Variants in MAPK10 observed in about 807,000 individuals in gnomAD.
MAPK10 encodes mitogen-activated protein kinase 10.
In MAPK10, 25 loss-of-function variants were observed where a neutral mutation model predicts 59.3. The observed-to-expected ratio is 0.42, with a 90% CI of 0.31 to 0.59. MAPK10 has a LOEUF of 0.59. Ranked by LOEUF, MAPK10 falls within the 20% of genes least tolerant of loss-of-function variation. The pLI is 0.15. For missense variants in MAPK10, 351 were observed against 568.9 expected (o/e 0.62, Z 3.90); for synonymous variants, 190 against 200.5 (o/e 0.95, Z 0.44).
chr4:86,082,415 C>T (rs2050851089), intron 9 of MAPK10: 1 of 152,030 alleles, frequency 6.6e-6, no homozygotes, highest in Admixed American at 6.6e-5. Flanking sequence ...TACATCTCCC[C>T]CTCCTTCCAA....
intron 13 of MAPK10, chr4:86,023,847 AT>A (rs1748740072): frequency 3.9e-5 from 5 of 128,244 alleles, no homozygotes; most frequent in East Asian, 5.4e-4. Context: ...ATATATATAT[AT>A]ATAAAATGAA....
chr4:86,440,586 C>A (rs759724246), intron 1 of MAPK10, among the ~76,000 whole-genome samples: 2 of 150,970 alleles, frequency 1.3e-5, no homozygotes, highest in African/African-American at 4.9e-5. Context: ...GCTGATCACA[C>A]CACTGCACTC....
Position 86,501,680 on chromosome 4 carries a change from GCACA to G in MAPK10, c.-263+92226_-263+92229del, listed in dbSNP as rs144986675. 5.8e-4 allele frequency among the ~76,000 whole-genome samples: 85 copies of G among 146,972 alleles called. 3 individuals carry two copies. The highest frequency in any genetic ancestry group is 2.2e-3 in the Admixed American group (32 of 14,796). ...CATTTGTATGCATGTGTGTGTGCAT[GCACA>G]CACACACACACACACACACTACTGT... is the stretch of plus-strand genomic sequence containing the variant. On this transcript the variant is annotated intron_variant, in intron 1 of 4. Transcript: ENST00000502302.
chr4:86,125,002 C>G (rs573796560), intron 4 of MAPK10: 1 of 151,820 alleles, frequency 6.6e-6, no homozygotes, highest in Non-Finnish European at 1.5e-5. Flanking sequence ...CTGTGAAAAA[C>G]CTTGGACTCA....
At chr4:86,539,265 A>G (rs938371413) in intron 1 of MAPK10, among the ~76,000 whole-genome samples, 1 of 152,238 alleles carries the variant, frequency 6.6e-6, no homozygotes, top group Admixed American at 6.5e-5. Context: ...AAAGAAAAAA[A>G]TCTGAAAGAG....
rs576686384 is a variant in MAPK10, at chr4:86,321,680, A to C, written c.-7+32850T>G. Among the ~76,000 whole-genome samples the C allele has an allele frequency of 5.1e-3, 779 of 151,862 alleles. 4 individuals are homozygous for C. The highest frequency in any genetic ancestry group is 0.017 in the African/African-American group (699 of 41,440). ...CAACACACCAGCATGGCACATGTATACATATGTAACTAACCTGCACATTGT... is the reference window on the plus strand; with the variant it reads ...CAACACACCAGCATGGCACATGTATCCATATGTAACTAACCTGCACATTGT... On this transcript the variant is annotated intron_variant, in intron 2 of 13. Coordinates refer to ENST00000641462, the MANE Select transcript of MAPK10 (RefSeq NM_138982.4).
At chr4:86,093,410 T>C (rs1413027790) in intron 9 of MAPK10, among the ~76,000 whole-genome samples, 2 of 151,974 alleles carry the variant, frequency 1.3e-5, no homozygotes, top group African/African-American at 4.8e-5. Flanking sequence ...AGAACATTTC[T>C]TTGAAAATTA....
At chr4:86,488,520 C>T (rs1754205543) in intron 1 of MAPK10, among the ~76,000 whole-genome samples, 1 of 152,130 alleles carries the variant, frequency 6.6e-6, no homozygotes, top group Non-Finnish European at 1.5e-5. Flanking sequence ...TTAAGGCTGT[C>T]TTGGGCAACA....
At chr4:86,555,972 A>G (rs951189445) in intron 1 of MAPK10, among the ~76,000 whole-genome samples, 1 of 152,206 alleles carries the variant, frequency 6.6e-6, no homozygotes, top group Non-Finnish European at 1.5e-5. Flanking sequence ...GATCCTCATG[A>G]ATGACTTTTA....
chr4:86,031,460 T>C, intron 11 of MAPK10, 29 bp from the exon 12 acceptor site: 1 of 1,501,338 alleles, frequency 6.7e-7, no homozygotes, highest in Non-Finnish European at 9.3e-7. Context: ...AAATAATCTT[T>C]GTGTGATAAT....
At chr4:86,497,789 G>A (rs1416441531) in intron 1 of MAPK10, among the ~76,000 whole-genome samples, 3 of 152,138 alleles carry the variant, frequency 2.0e-5, no homozygotes, top group East Asian at 3.9e-4. Context: ...GAGAAGATAC[G>A]CTAACAATCA....
chr4:86,262,446 C>T (rs1247309211), intron 2 of MAPK10, among the ~76,000 whole-genome samples: 3 of 152,116 alleles, frequency 2.0e-5, no homozygotes, highest in Non-Finnish European at 2.9e-5. Context: ...GACCCCCTGG[C>T]CCCCACCTTC....
chr4:86,261,503 C>G (rs1005244324), intron 2 of MAPK10, among the ~76,000 whole-genome samples: 3 of 152,166 alleles, frequency 2.0e-5, no homozygotes, highest in African/African-American at 7.2e-5. Context: ...TTTTCCCTTT[C>G]TCCCTTAGAA....
rs1402515062 is a variant in MAPK10, at chr4:86,159,194, A to C, written c.236+104T>G. On this transcript the variant is annotated intron_variant, in intron 4 of 13. Coordinates refer to ENST00000641462, the MANE Select transcript of MAPK10 (RefSeq NM_138982.4). ...TCAGTAGGATTATTTTTCCCTCCCA[A>C]ATTATGCTATTTATTTTGGGGATTT... The C allele has an allele frequency of 5.6e-6, 5 of 897,976 alleles. No homozygotes were observed. The African/African-American group carries it at 6.9e-5, about 12-fold the overall frequency. 55.6% of individuals were successfully genotyped at this position (897,976 alleles called of 1,614,324 possible).
intron 3 of MAPK10, among the ~76,000 whole-genome samples, chr4:86,170,108 GC>G (rs1298981565): frequency 6.6e-6 from 1 of 151,824 alleles, no homozygotes; most frequent in Non-Finnish European, 1.5e-5. Context: ...GCAAAATCAT[GC>G]CAAAATGTAA....
chr4:86,042,756 G>GA (rs35588497), intron 11 of MAPK10, among the ~76,000 whole-genome samples: 36,966 of 150,606 alleles, frequency 0.25, 5,854 homozygotes, highest in African/African-American at 0.45. Flanking sequence ...TATTTTATCA[G>GA]AAAAAAAAGA....
At chr4:86,298,634 A>T (rs2095413314) in intron 2 of MAPK10, among the ~76,000 whole-genome samples, 1 of 152,248 alleles carries the variant, frequency 6.6e-6, no homozygotes, top group African/African-American at 2.4e-5. Flanking sequence ...GGCATATAGT[A>T]GACACTTAAT....
intron 1 of MAPK10, among the ~76,000 whole-genome samples, chr4:86,542,979 G>GA: frequency 6.6e-6 from 1 of 152,248 alleles, no homozygotes; most frequent in Admixed American, 6.5e-5. Flanking sequence ...GGGGCACCTT[G>GA]AGCACACTGC....
chr4:86,226,814 C>T (rs914636576), intron 2 of MAPK10, among the ~76,000 whole-genome samples: 1 of 152,116 alleles, frequency 6.6e-6, no homozygotes, highest in Non-Finnish European at 1.5e-5. Flanking sequence ...AAAGCCATTT[C>T]CATAGTGAGA....
Sources: gnomAD v4.1 joint callset for allele counts (sites outside exome capture counted in the v4.1 genomes callset) on GRCh38, gnomAD v4.1.1 for gene constraint, MANE v1.5 for transcripts, NCBI Gene and HGNC (gene_info 2026-07-23, HGNC 2026-07-21) for gene names.